The following HIPK1 variants were observed in gnomAD, a reference collection of about 807,000 sequenced individuals.
The protein encoded by HIPK1 is homeodomain interacting protein kinase 1, also known as homeodomain-interacting protein kinase 1.
Under a neutral mutation model 117.1 loss-of-function variants are expected in HIPK1, and 28 were observed. That is an observed-to-expected ratio of 0.24 (90% CI 0.18 to 0.33). The LOEUF (loss-of-function observed/expected upper bound fraction) is 0.33. Ranked by LOEUF, HIPK1 falls within the 10% of genes least tolerant of loss-of-function variation. HIPK1 has a pLI of 1.00. For synonymous variants in HIPK1, 605 were observed against 562.5 expected, an observed-to-expected ratio of 1.08 and a Z score of -1.07; for missense variants, 1,122 against 1,475.1, an observed-to-expected ratio of 0.76 and a Z score of 3.92.
rs1304903717 is a variant in HIPK1 at position 113,938,120 on chromosome 1, T to TA, written c.-2-2261dup. ...GCTGGGACCACAGGCATGTGCCACTTACACTTGGCTTTTTTTTTTTTTTTT... is the reference window on the plus strand; with the variant it reads ...GCTGGGACCACAGGCATGTGCCACTTAACACTTGGCTTTTTTTTTTTTTTTT... On this transcript the variant is annotated intron_variant, in intron 1 of 15. Coordinates refer to ENST00000426820, the MANE Select transcript of HIPK1 (RefSeq NM_198268.3). Among the ~76,000 whole-genome samples, 5 of 150,186 alleles carry TA rather than the reference T, an allele frequency of 3.3e-5. No homozygotes were observed. In the East Asian group the frequency reaches 7.8e-4, roughly 23 times the overall value.
intron 2 of HIPK1, among the ~76,000 whole-genome samples, chr1:113,950,077 G>C (rs575291941): frequency 9.3e-4 from 141 of 152,100 alleles, no homozygotes; most frequent in African/African-American, 3.1e-3. Context: ...CAGATTTACT[G>C]TTTTCTAAGG....
intron 1 of HIPK1, among the ~76,000 whole-genome samples, chr1:113,937,701 A>T (rs1670341963): frequency 6.6e-6 from 1 of 152,114 alleles, no homozygotes; most frequent in East Asian, 1.9e-4. Flanking sequence ...TTAAATAAAT[A>T]CTTTCAAGTT....
chr1:113,940,899 A>G lies in HIPK1; in HGVS notation c.516A>G (p.Glu172=). Residue 172 remains glutamate (E), a synonymous_variant, in exon 2 of 16, where the codon GAA becomes GAG. Transcript: ENST00000426820. ...CAAAGAGTAGCAGTTCCAGCGGAGA[A>G]GGGGATTACCAGCTGGTCCAGCATG... ...VTTKSSSSSG[E]GDYQLVQHEI... 1 of 1,614,164 alleles carries G rather than the reference A, an allele frequency of 6.2e-7. No homozygotes were observed. Among genetic ancestry groups the G allele is most frequent in the Non-Finnish European group, 8.5e-7 (1 of 1,180,032 alleles).
chr1:113,938,925 A>C (rs1425515968), intron 1 of HIPK1, among the ~76,000 whole-genome samples: 2 of 25,976 alleles, frequency 7.7e-5, no homozygotes. Flanking sequence ...AAAAAAAAAA[A>C]AAATACACAC....
intron 2 of HIPK1, among the ~76,000 whole-genome samples, chr1:113,948,112 A>G (rs937284630): frequency 2.0e-5 from 3 of 152,220 alleles, no homozygotes; most frequent in South Asian, 2.1e-4. Flanking sequence ...AGTTTAAAGT[A>G]TTCAGTCCTT....
Position 113,929,550 on chromosome 1 carries a change from G to T in HIPK1, c.-3+18G>T, listed in dbSNP as rs958437277. ...CCGCCTCAGTAGGTGTCATGGCGCG[G>T]GGCGGGTGAATAGTTCCGGCGAGGC... On this transcript the variant is annotated intron_variant, in intron 1 of 15. Transcript: ENST00000426820. 1 of 1,283,746 alleles carries T rather than the reference G, an allele frequency of 7.8e-7. No individual in the cohort carries two copies. Among genetic ancestry groups the T allele is most frequent in the Admixed American group, 2.3e-5 (1 of 43,476 alleles). 79.5% of individuals were successfully genotyped at this position (1,283,746 alleles called of 1,614,324 possible). A position where few individuals can be genotyped will look rare whatever the true frequency, so the allele number is the denominator to read the frequency against.
chr1:113,943,687 T>C (rs1197120367), intron 2 of HIPK1, among the ~76,000 whole-genome samples: 1 of 152,254 alleles, frequency 6.6e-6, no homozygotes, highest in African/African-American at 2.4e-5. Context: ...ATGTTTAACT[T>C]TTTGCAGAAT....
At chr1:113,967,103 T>C (rs1370462513) in intron 11 of HIPK1, among the ~76,000 whole-genome samples, 2 of 152,254 alleles carry the variant, frequency 1.3e-5, no homozygotes, top group African/African-American at 2.4e-5. Context: ...ATTGTGTATA[T>C]GTACCATATT....
rs1300571263 is a variant in HIPK1 at position 113,954,576 on chromosome 1, G to T, written c.1201-75G>T. 3.4e-6 allele frequency: 5 copies of T among 1,492,390 alleles called. No individual in the cohort carries two copies. The East Asian group carries it at 1.1e-4, about 34-fold the overall frequency. The allele number at this position is 1,492,390 out of a possible 1,614,324, so 92.4% of individuals were successfully genotyped here. A position where few individuals can be genotyped will look rare whatever the true frequency, so the allele number is the denominator to read the frequency against. ...ATTTCTTCCTTTGCCTAAAGTTAAT[G>T]ATGTTTTAGTGTAAAAGCCTTTAAT... On this transcript the variant is annotated intron_variant, in intron 3 of 15. Coordinates refer to ENST00000426820, the MANE Select transcript of HIPK1 (RefSeq NM_198268.3).
chr1:113,962,261 A>G (rs201177796), intron 8 of HIPK1, 56 bp from the exon 9 acceptor site: 20 of 1,567,464 alleles, frequency 1.3e-5, no homozygotes, highest in South Asian at 6.9e-5. Flanking sequence ...AAATAATCTT[A>G]AAACAGTACT....
At position 113,973,222 on chromosome 1, in the gene HIPK1, G is replaced by C. The variant is rs1286192310; in HGVS notation, c.3343G>C (p.Ala1115Pro). The C allele has an allele frequency of 6.2e-7, 1 of 1,613,934 alleles. No homozygotes were observed. The highest frequency in any genetic ancestry group is 8.5e-7 in the Non-Finnish European group (1 of 1,179,936). ...AAGCCAGGCTCATCTGTATACGTATGCTGCCCCGACTTCTGCTGCTGCACT... is the reference window on the plus strand; with the variant it reads ...AAGCCAGGCTCATCTGTATACGTATCCTGCCCCGACTTCTGCTGCTGCACT... ...LPSQAHLYTYAAPTSAAALGS... is the reference protein window; with the variant it reads ...LPSQAHLYTYPAPTSAAALGS... Residue 1115 changes from alanine (A) to proline (P), a missense_variant, in exon 16 of 16, where the codon GCT becomes CCT. By Grantham distance (27) the Ala-to-Pro change is conservative (BLOSUM62 -1). This residue lies in a region of HIPK1 where 731 missense variants were observed against 860.4 expected (regional missense o/e 0.85). Coordinates refer to ENST00000426820, the MANE Select transcript of HIPK1 (RefSeq NM_198268.3).
chr1:113,946,805 C>CA (rs1183205650), intron 2 of HIPK1, among the ~76,000 whole-genome samples: 4 of 152,216 alleles, frequency 2.6e-5, no homozygotes, highest in African/African-American at 4.8e-5. Flanking sequence ...GTTCAGTGCC[C>CA]AGGGCTTGAC....
At chr1:113,943,851 A>T (rs529704484) in intron 2 of HIPK1, among the ~76,000 whole-genome samples, 1 of 152,062 alleles carries the variant, frequency 6.6e-6, no homozygotes, top group Non-Finnish European at 1.5e-5. Flanking sequence ...GGCTGCCTCT[A>T]TTGCTCATGC....
Position 113,954,709 on chromosome 1 carries a change from CA to C in HIPK1, c.1264del (p.Thr422GlnfsTer30). The C allele has an allele frequency of 6.2e-7, 1 of 1,613,914 alleles. No homozygotes were observed. The highest frequency in any genetic ancestry group is 8.5e-7 in the Non-Finnish European group (1 of 1,179,814). On this transcript the variant is annotated frameshift_variant, in exon 4 of 16. Coordinates refer to ENST00000426820, the MANE Select transcript of HIPK1 (RefSeq NM_198268.3). LOFTEE classifies it high-confidence loss of function. The stretch of plus-strand genomic sequence containing the variant: ...GCTGAATATCTTCTCAGTGCCGGAA[CA>C]AAAACAACCAGGTTTTTCAACAGAG... ...LPAEYLLSAG[T>X]KTTRFFNRDP...
At position 113,968,663 on chromosome 1, in the gene HIPK1, T is replaced by C. The variant is rs752077626; in HGVS notation, c.2771+15T>C. 1.1e-5 allele frequency: 18 copies of C among 1,601,624 alleles called. No individual in the cohort carries two copies. The highest frequency in any genetic ancestry group is 1.0e-4 in the Admixed American group (6 of 59,980). On this transcript the variant is annotated intron_variant, in intron 13 of 15. Coordinates refer to ENST00000426820, the MANE Select transcript of HIPK1 (RefSeq NM_198268.3). ...AAGCCCAGTAGGTAAGATAAGTGAA[T>C]GGTTCCTGGCTCTATTGGTTTTAGA...
At chr1:113,937,546 A>G (rs1000385279) in intron 1 of HIPK1, among the ~76,000 whole-genome samples, 3 of 152,030 alleles carry the variant, frequency 2.0e-5, no homozygotes, top group Admixed American at 2.0e-4. Flanking sequence ...AATAGATATG[A>G]GATTGGTAGG....
intron 11 of HIPK1, among the ~76,000 whole-genome samples, chr1:113,967,189 A>T (rs1672508957): frequency 6.6e-6 from 1 of 152,210 alleles, no homozygotes. Context: ...GCAACATAGG[A>T]GTGCAGGTAT....
chr1:113,940,409 C>T lies in HIPK1; in HGVS notation c.26C>T (p.Ser9Leu), dbSNP rs371625292. 142 of 1,608,456 alleles carry T rather than the reference C, an allele frequency of 8.8e-5. No individual in the cohort carries two copies. Among genetic ancestry groups the T allele is most frequent in the Non-Finnish European group, 1.1e-4 (131 of 1,176,910 alleles). Residue 9 changes from serine (S) to leucine (L), a missense_variant, in exon 2 of 16, where the codon TCG (serine) becomes TTG (leucine). Ser to Leu is a moderately radical substitution (Grantham distance 145). Transcript: ENST00000426820. MASQLQVF[S>L]PPSVSSSAFC... ...ATGGCATCACAGCTGCAAGTGTTTT[C>T]GCCCCCATCAGTGTCGTCGAGTGCC...
At chr1:113,937,372 C>A (rs547597340) in intron 1 of HIPK1, among the ~76,000 whole-genome samples, 1 of 151,630 alleles carries the variant, frequency 6.6e-6, no homozygotes, top group East Asian at 1.9e-4. Flanking sequence ...TGTGTTTATT[C>A]TTTTATGATT....
Sources: allele counts gnomAD v4.1 joint callset (sites outside exome capture counted in the v4.1 genomes callset), GRCh38; gene constraint gnomAD v4.1.1; regional missense constraint gnomAD v4.1.1; transcripts MANE v1.5; gene names NCBI Gene and HGNC (gene_info 2026-07-23, HGNC 2026-07-21).